The following SVIL variants were observed in gnomAD, a reference collection of about 807,000 sequenced individuals.
SVIL encodes the protein archvillin.
A neutral mutation model predicts 240.4 loss-of-function variants in SVIL; 101 were observed. That is an observed-to-expected ratio of 0.42 (90% confidence interval 0.36 to 0.50). SVIL has a LOEUF of 0.50. SVIL is among the 20% of genes least tolerant of loss of function. The pLI, the probability that SVIL is intolerant of heterozygous loss-of-function variation, is 0.01. For synonymous variants in SVIL, 999 were observed against 1,100.0 expected (o/e 0.91, Z 1.82); for missense variants, 2,512 against 2,818.7 (o/e 0.89, Z 2.46).
chr10:29,551,142 G>A lies in SVIL; in HGVS notation c.282C>T (p.Asp94=). The stretch of plus-strand genomic sequence containing the variant: ...CGGCTTTGGACTCCAGACTGTGGGT[G>A]TCCATGGTACCCGAACCATAGGGTG... ...GDSPYGSGTM[D]THSLESKAER... Residue 94 remains aspartate (D), a synonymous_variant, in exon 6 of 38, where the codon GAC becomes GAT. Coordinates refer to ENST00000355867, the MANE Select transcript of SVIL (RefSeq NM_021738.3). 1.9e-6 allele frequency: 3 copies of A among 1,614,166 alleles called. No individual in the cohort carries two copies. The South Asian group carries it at 3.3e-5, about 18-fold the overall frequency.
At chr10:29,631,009 C>T (rs1958066565) in intron 1 of SVIL, among the ~76,000 whole-genome samples, 1 of 152,164 alleles carries the variant, frequency 6.6e-6, no homozygotes, top group Non-Finnish European at 1.5e-5. Context: ...CTAGTGACTG[C>T]AGCCCTAGAG....
At chr10:29,527,090 T>C in intron 12 of SVIL, 34 bp from the exon 13 acceptor site, 1 of 1,573,822 alleles carries the variant, frequency 6.4e-7, no homozygotes, top group Non-Finnish European at 8.7e-7. Flanking sequence ...GAAACATTCA[T>C]AAGGAGAGAG....
intron 1 of SVIL, among the ~76,000 whole-genome samples, chr10:29,714,048 T>G (rs1383214159): frequency 6.6e-6 from 1 of 152,188 alleles, no homozygotes; most frequent in African/African-American, 2.4e-5. Flanking sequence ...TGGGAAGCAA[T>G]GTCATCATCT....
rs376249654 is a variant in SVIL, at chr10:29,664,727, G to A, written c.-300-6659C>T. ...ACACACATGCACACATACATATATG[G>A]ATGCATACATTTGTATATATGATGA... On this transcript the variant is annotated intron_variant, in intron 2 of 35. Coordinates refer to the SVIL transcript ENST00000375400. 5.6e-4 allele frequency among the ~76,000 whole-genome samples: 85 copies of A among 151,170 alleles called. 1 individual carries two copies. Among genetic ancestry groups the A allele is most frequent in the African/African-American group, 2.0e-3 (82 of 41,154 alleles).
At chr10:29,646,271 A>G (rs757188094) in intron 3 of SVIL, among the ~76,000 whole-genome samples, 55 of 152,144 alleles carry the variant, frequency 3.6e-4, no homozygotes, top group Non-Finnish European at 5.0e-4. Context: ...GCTGTTCCAC[A>G]TGCCTGAATT....
At chr10:29,577,522 T>C (rs1806325988) in intron 1 of SVIL, among the ~76,000 whole-genome samples, 1 of 152,248 alleles carries the variant, frequency 6.6e-6, no homozygotes, top group Non-Finnish European at 1.5e-5. Flanking sequence ...CTCATTCTTT[T>C]TTTACGGCTG....
intron 1 of SVIL, among the ~76,000 whole-genome samples, chr10:29,598,191 G>A (rs1401984349): frequency 6.6e-6 from 1 of 152,168 alleles, no homozygotes; most frequent in Non-Finnish European, 1.5e-5. Flanking sequence ...CACAGAGCTA[G>A]AAGGTAGAAT....
At chr10:29,735,902 G>C (rs925492309), upstream of SVIL, 3 of 152,018 alleles carry the variant, frequency 2.0e-5, no homozygotes, top group African/African-American at 7.2e-5. This position sits in a 1 kb window ranked among gnomAD's most constrained non-coding sequence, Gnocchi z 4.1. Context: ...GATTCACTTC[G>C]CTCCTTACCT....
chr10:29,543,432 T>C (rs943000781), intron 6 of SVIL, among the ~76,000 whole-genome samples: 1 of 152,160 alleles, frequency 6.6e-6, no homozygotes, highest in African/African-American at 2.4e-5. Flanking sequence ...ATTGGACTAA[T>C]CACTTTGGCA....
intron 1 of SVIL, among the ~76,000 whole-genome samples, chr10:29,729,450 GGT>G (rs55940009): frequency 0.084 from 11,456 of 136,188 alleles, 399 homozygotes; most frequent in Admixed American, 0.13. Context: ...TGTTTATGGA[GGT>G]GTGTGTGTGT....
At chr10:29,677,598 T>G (rs1960296063) in intron 2 of SVIL, among the ~76,000 whole-genome samples, 1 of 152,102 alleles carries the variant, frequency 6.6e-6, no homozygotes, top group African/African-American at 2.4e-5. Flanking sequence ...TAATTTTTAT[T>G]TTTTTATAGA....
intron 3 of SVIL, among the ~76,000 whole-genome samples, chr10:29,561,216 A>G (rs1005325082): frequency 6.6e-6 from 1 of 152,164 alleles, no homozygotes; most frequent in Non-Finnish European, 1.5e-5. Context: ...GTCATCTTTG[A>G]TTTGTAAAAA....
chr10:29,679,943 G>A (rs1385028428), intron 2 of SVIL, among the ~76,000 whole-genome samples: 1 of 151,850 alleles, frequency 6.6e-6, no homozygotes, highest in East Asian at 1.9e-4. Flanking sequence ...AGCACTTTGG[G>A]AGGCTGAGGC....
At chr10:29,523,032 C>A (rs1367287589) in intron 15 of SVIL, among the ~76,000 whole-genome samples, 1 of 152,220 alleles carries the variant, frequency 6.6e-6, no homozygotes, top group East Asian at 1.9e-4. Flanking sequence ...AGGGCCCACG[C>A]AGTGTAGCTT....
At chr10:29,537,789 C>G (rs528070615) in intron 6 of SVIL, among the ~76,000 whole-genome samples, 2 of 152,368 alleles carry the variant, frequency 1.3e-5, no homozygotes, top group African/African-American at 4.8e-5. Flanking sequence ...GCTGTAACCA[C>G]TGACCTCTAT....
At chr10:29,569,109 G>C (rs1232198349) in intron 2 of SVIL, 146 bp downstream of exon 2, 6 of 248,312 alleles carry the variant, frequency 2.4e-5, no homozygotes, top group Non-Finnish European at 3.2e-5. Flanking sequence ...AGATTCCTCT[G>C]CTTCATACAT....
intron 1 of SVIL, among the ~76,000 whole-genome samples, chr10:29,579,102 C>T (rs941945447): frequency 6.6e-6 from 1 of 152,118 alleles, no homozygotes; most frequent in Non-Finnish European, 1.5e-5. Context: ...CATCTGAGTT[C>T]CTGGGCATCT....
At chr10:29,580,193 T>C (rs1481577126) in intron 1 of SVIL, among the ~76,000 whole-genome samples, 3 of 151,906 alleles carry the variant, frequency 2.0e-5, no homozygotes, top group South Asian at 2.1e-4. Context: ...AAAATTTAGC[T>C]GGGCATGGTG....
chr10:29,537,373 A>G (rs887283946), intron 6 of SVIL, among the ~76,000 whole-genome samples: 3 of 152,230 alleles, frequency 2.0e-5, no homozygotes, highest in African/African-American at 7.2e-5. Flanking sequence ...TAGTCCACAC[A>G]TTCATTCCTC....
Sources: gnomAD v4.1 joint callset for allele counts (sites outside exome capture counted in the v4.1 genomes callset) on GRCh38, gnomAD v4.1.1 for gene constraint, Gnocchi (gnomAD v3.1) non-coding constraint, MANE v1.5 for transcripts, NCBI Gene and HGNC (gene_info 2026-07-23, HGNC 2026-07-21) for gene names.